The following TRPM3 variants were observed in gnomAD, a reference collection of about 807,000 sequenced individuals.
TRPM3 encodes the protein transient receptor potential cation channel subfamily M member 3.
In TRPM3, 77 loss-of-function variants were observed where a neutral mutation model predicts 181.2. The ratio of observed to expected loss-of-function variants is 0.42; its 90% confidence interval spans 0.35 to 0.51. The LOEUF (loss-of-function observed/expected upper bound fraction) is 0.51, where lower values mean the gene tolerates loss of function less well. Ranked by LOEUF, TRPM3 falls within the 20% of genes least tolerant of loss-of-function variation. The probability of loss-of-function intolerance (pLI) is 0.01; values close to 1 mark genes in which losing one functional copy is unlikely to be tolerated. For synonymous variants in TRPM3, 745 were observed against 796.4 expected (o/e 0.94, Z 1.09); for missense variants, 1,759 against 2,196.7 (o/e 0.80, Z 3.98).
chr9:71,326,845 C>T (rs929420301), intron 1 of TRPM3, among the ~76,000 whole-genome samples: 21 of 152,188 alleles, frequency 1.4e-4, no homozygotes, highest in African/African-American at 3.9e-4. Flanking sequence ...AGAGGAGAAG[C>T]AGGGCTAGTG....
chr9:71,165,517 A>G (rs2134742855), intron 1 of TRPM3, among the ~76,000 whole-genome samples: 1 of 152,270 alleles, frequency 6.6e-6, no homozygotes, highest in Non-Finnish European at 1.5e-5. Flanking sequence ...ACTAAGGTCC[A>G]AAATGGTATA....
chr9:71,032,040 A>AAT (rs1389566596), intron 1 of TRPM3, among the ~76,000 whole-genome samples: 1 of 8,038 alleles, frequency 1.2e-4, no homozygotes, highest in Non-Finnish European at 1.7e-4. Context: ...ATAAATATAT[A>AAT]TATATATATT....
rs527481749 is a variant in TRPM3, at chr9:71,418,605, G to T, written c.183+28048C>A. ...ATTATGAGGAAATGGGAAAGGTCCT[G>T]AGCAGTCAGGAAATAATCAATCATC... On this transcript the variant is annotated intron_variant, in intron 1 of 24. Coordinates refer to the TRPM3 transcript ENST00000357533. Among the ~76,000 whole-genome samples, 117 of 151,698 alleles carry T rather than the reference G, an allele frequency of 7.7e-4. 4 individuals carry two copies. Among genetic ancestry groups the T allele is most frequent in the East Asian group, 6.6e-3 (34 of 5,130 alleles).
chr9:71,200,293 C>T (rs1241826546), intron 1 of TRPM3, among the ~76,000 whole-genome samples: 1 of 151,588 alleles, frequency 6.6e-6, no homozygotes, highest in Non-Finnish European at 1.5e-5. Context: ...TTATTTCCAA[C>T]TATGTGGTCA....
intron 1 of TRPM3, among the ~76,000 whole-genome samples, chr9:71,012,928 G>A (rs1378794580): frequency 6.6e-6 from 1 of 152,032 alleles, no homozygotes; most frequent in Non-Finnish European, 1.5e-5. Context: ...TTAAATGATA[G>A]TAAGATACTG....
intron 1 of TRPM3, among the ~76,000 whole-genome samples, chr9:70,951,730 A>G (rs1010226067): frequency 6.6e-6 from 1 of 152,198 alleles, no homozygotes. Flanking sequence ...GCTCATTGAT[A>G]ATATTTCTGT....
intron 12 of TRPM3, among the ~76,000 whole-genome samples, chr9:70,627,194 T>G (rs902272231): frequency 1.3e-5 from 2 of 151,460 alleles, no homozygotes; most frequent in Non-Finnish European, 2.9e-5. Flanking sequence ...TCAGTGGCTA[T>G]CCTCAATGGA....
intron 8 of TRPM3, among the ~76,000 whole-genome samples, chr9:70,700,512 T>C (rs915861034): frequency 1.3e-5 from 2 of 152,208 alleles, no homozygotes; most frequent in African/African-American, 2.4e-5. Context: ...AACCTTGCTT[T>C]TGTTCTGGTT....
At chr9:70,980,620 C>G (rs1013778760) in intron 1 of TRPM3, among the ~76,000 whole-genome samples, 2 of 152,156 alleles carry the variant, frequency 1.3e-5, no homozygotes, top group African/African-American at 2.4e-5. Context: ...GACTGATTTA[C>G]TCATTCTTCT....
chr9:70,778,915 G>A (rs1185505051), intron 7 of TRPM3, among the ~76,000 whole-genome samples: 1 of 152,058 alleles, frequency 6.6e-6, no homozygotes, highest in Non-Finnish European at 1.5e-5. Flanking sequence ...GGTTTCTGGT[G>A]ACTTTCTCAT....
At chr9:71,399,458 A>ATAAAG (rs1312407185) in intron 1 of TRPM3, among the ~76,000 whole-genome samples, 1 of 151,984 alleles carries the variant, frequency 6.6e-6, no homozygotes, top group South Asian at 2.1e-4. Context: ...AAGGGAATCT[A>ATAAAG]TAAAGTAAGC....
chr9:70,851,738 T>C (rs1205942502), intron 3 of TRPM3, among the ~76,000 whole-genome samples: 3 of 152,140 alleles, frequency 2.0e-5, no homozygotes, highest in Admixed American at 2.0e-4. Context: ...ATCTTACAGA[T>C]GAAGAAAGGG....
At chr9:70,589,047 A>G (rs1473266813) in intron 22 of TRPM3, among the ~76,000 whole-genome samples, 1 of 152,260 alleles carries the variant, frequency 6.6e-6, no homozygotes, top group Non-Finnish European at 1.5e-5. Flanking sequence ...CGAAGGCTGC[A>G]TCTATCCAAG....
At chr9:70,963,644 A>G (rs187581843) in intron 1 of TRPM3, among the ~76,000 whole-genome samples, 6 of 152,302 alleles carry the variant, frequency 3.9e-5, no homozygotes, top group Admixed American at 1.3e-4. Flanking sequence ...AATGTTTACA[A>G]AAATGAGGCT....
chr9:70,975,150 G>A (rs903522656), intron 1 of TRPM3, among the ~76,000 whole-genome samples: 1 of 152,054 alleles, frequency 6.6e-6, no homozygotes, highest in Admixed American at 6.5e-5. Context: ...TTTTAGGTGT[G>A]AGCCACCGCA....
At chr9:70,991,555 G>GTTTTTTTTT (rs56157123) in intron 1 of TRPM3, among the ~76,000 whole-genome samples, 11 of 124,520 alleles carry the variant, frequency 8.8e-5, no homozygotes, top group East Asian at 2.5e-4. Flanking sequence ...CTATGTGTCT[G>GTTTTTTTTT]TTTTTTTTTT....
upstream of TRPM3, among the ~76,000 whole-genome samples, chr9:71,122,812 A>T (rs1050314541): frequency 3.9e-5 from 6 of 152,222 alleles, 1 homozygote; most frequent in South Asian, 1.2e-3. Context: ...CAGACCATTG[A>T]CCTACCTCGT....
intron 6 of TRPM3, among the ~76,000 whole-genome samples, chr9:70,792,586 G>A (rs1446512202): frequency 6.6e-6 from 1 of 151,700 alleles, no homozygotes; most frequent in Non-Finnish European, 1.5e-5. Flanking sequence ...GAATAAAAGA[G>A]GGACAGAGGA....
In TRPM3 at chr9:71,293,943, A is replaced by G. The variant is rs115186470; in HGVS notation, c.183+152710T>C. Among the ~76,000 whole-genome samples the G allele has an allele frequency of 3.2e-3, 481 of 152,132 alleles. 1 individual carries two copies. Among genetic ancestry groups the G allele is most frequent in the African/African-American group, 0.011 (458 of 41,558 alleles). ...ATACCTGCGAGGAATGGATTTCTCAATAATTATCCAGAATAATTACAAATC... is the reference window on the plus strand; with the variant it reads ...ATACCTGCGAGGAATGGATTTCTCAGTAATTATCCAGAATAATTACAAATC... On this transcript the variant is annotated intron_variant, in intron 1 of 24. Transcript: ENST00000357533.
Sources: allele counts gnomAD v4.1 joint callset (sites outside exome capture counted in the v4.1 genomes callset), GRCh38; gene constraint gnomAD v4.1.1; transcripts MANE v1.5; gene names NCBI Gene and HGNC (gene_info 2026-07-23, HGNC 2026-07-21).